Variants in CFAP20DC observed in about 807,000 individuals in gnomAD.
CFAP20DC encodes the protein CFAP20 domain containing, also known as protein CFAP20DC.
CFAP20DC carries 84 observed loss-of-function variants against 101.7 expected under a neutral mutation model. That is an observed-to-expected ratio of 0.83 (90% confidence interval 0.69 to 0.99). The LOEUF (loss-of-function observed/expected upper bound fraction) is 0.99, where lower values mean the gene tolerates loss of function less well. Ranked by LOEUF, CFAP20DC falls within the 50% of genes least tolerant of loss-of-function variation. The pLI is 0.00. For missense variants in CFAP20DC, 1,007 were observed against 970.3 expected (o/e 1.04, Z -0.50); for synonymous variants, 359 against 351.2 (o/e 1.02, Z -0.25).
At chr3:58,839,611 GT>G (rs938112213) in intron 13 of CFAP20DC, among the ~76,000 whole-genome samples, 7 of 152,146 alleles carry the variant, frequency 4.6e-5, no homozygotes, top group Admixed American at 2.6e-4. Flanking sequence ...GAAGATAAAT[GT>G]CTTCAATAAA....
chr3:58,902,300 G>A (rs139324610), intron 6 of CFAP20DC, among the ~76,000 whole-genome samples: 3 of 152,220 alleles, frequency 2.0e-5, no homozygotes, highest in African/African-American at 7.2e-5. Context: ...ATTCTTTTGG[G>A]TATATACCTA....
At chr3:58,867,701 C>G in intron 10 of CFAP20DC, 116 bp downstream of exon 10, 1 of 1,248,716 alleles carries the variant, frequency 8.0e-7, no homozygotes. Flanking sequence ...GTAGAACAGA[C>G]ATTTATATTT....
intron 6 of CFAP20DC, among the ~76,000 whole-genome samples, chr3:58,900,366 C>T (rs949567494): frequency 2.6e-5 from 4 of 152,214 alleles, no homozygotes; most frequent in Admixed American, 6.5e-5. Flanking sequence ...CTTCCCTTTT[C>T]TTCCTTTGGT....
At chr3:58,832,915 T>C (rs2076493434) in intron 13 of CFAP20DC, among the ~76,000 whole-genome samples, 2 of 152,172 alleles carry the variant, frequency 1.3e-5, no homozygotes, top group African/African-American at 4.8e-5. Flanking sequence ...AACTGCCATA[T>C]AACTTAAAAG....
chr3:58,871,975 G>C (rs140597785), intron 7 of CFAP20DC, among the ~76,000 whole-genome samples: 188 of 152,208 alleles, frequency 1.2e-3, no homozygotes, highest in African/African-American at 4.1e-3. Context: ...CAGGGCTCCA[G>C]GGAAGCCACT....
chr3:58,942,258 G>GA (rs1465444972), intron 4 of CFAP20DC, among the ~76,000 whole-genome samples: 3 of 152,146 alleles, frequency 2.0e-5, no homozygotes, highest in African/African-American at 4.8e-5. Flanking sequence ...TGCTGTAAAA[G>GA]AAAAAATAAA....
intron 15 of CFAP20DC, among the ~76,000 whole-genome samples, chr3:58,802,320 T>C (rs1363717386): frequency 6.6e-6 from 1 of 152,232 alleles, no homozygotes; most frequent in Non-Finnish European, 1.5e-5. Context: ...CATGCAAGTG[T>C]ACATGTTAGG....
chr3:59,022,860 G>A (rs2093827485), intron 4 of CFAP20DC, among the ~76,000 whole-genome samples: 2 of 152,084 alleles, frequency 1.3e-5, no homozygotes, highest in African/African-American at 4.8e-5. Flanking sequence ...AGAGCCAACT[G>A]TGGTGTTCCA....
chr3:58,849,097 A>G lies in CFAP20DC; in HGVS notation c.1906T>C (p.Ser636Pro). Residue 636 changes from serine to proline, a missense_variant, in exon 13 of 17, where the codon TCA becomes CCA. Physicochemically the swap from Ser to Pro is moderately conservative, Grantham distance 74. Transcript: ENST00000482387. ...KDLSAQQVPASLNKTSLKEIS... is the reference protein window; with the variant it reads ...KDLSAQQVPAPLNKTSLKEIS... ...TCTTTCAGGGAGGTTTTGTTTAGTG[A>G]AGCTGGCACTTGCTGGGCTGATAGA... 3 of 1,536,072 alleles carry G rather than the reference A, an allele frequency of 2.0e-6. No homozygotes were observed. The highest frequency in any genetic ancestry group is 2.6e-6 in the Non-Finnish European group (3 of 1,146,916).
At chr3:59,047,089 G>A in intron 2 of CFAP20DC, 76 bp downstream of exon 2, 1 of 953,284 alleles carries the variant, frequency 1.0e-6, no homozygotes, top group African/African-American at 1.6e-5. Flanking sequence ...TCTGAAATTT[G>A]ATCACGCCCT....
intron 15 of CFAP20DC, among the ~76,000 whole-genome samples, chr3:58,759,070 G>A (rs931307061): frequency 8.5e-5 from 13 of 152,156 alleles, no homozygotes; most frequent in Non-Finnish European, 1.0e-4. Context: ...GGATGGTTGG[G>A]TCAAATGGTA....
intron 13 of CFAP20DC, among the ~76,000 whole-genome samples, chr3:58,843,072 A>G (rs1368107936): frequency 6.6e-6 from 1 of 152,196 alleles, no homozygotes; most frequent in Non-Finnish European, 1.5e-5. Flanking sequence ...AAAAAACAGA[A>G]CAGAAAAACT....
chr3:58,827,024 G>T (rs1440493672), intron 14 of CFAP20DC, among the ~76,000 whole-genome samples: 2 of 152,088 alleles, frequency 1.3e-5, no homozygotes, highest in Admixed American at 1.3e-4. Flanking sequence ...TACTCTGTAT[G>T]ATACTATAAT....
At chr3:58,797,500 T>C (rs1201331044) in intron 15 of CFAP20DC, among the ~76,000 whole-genome samples, 1 of 152,148 alleles carries the variant, frequency 6.6e-6, no homozygotes, top group East Asian at 1.9e-4. Flanking sequence ...CAGAGGTTGA[T>C]TCCTGGGGTT....
chr3:58,782,966 AAAAAC>A (rs1288053276), intron 15 of CFAP20DC, among the ~76,000 whole-genome samples: 6 of 152,002 alleles, frequency 3.9e-5, no homozygotes, highest in African/African-American at 1.4e-4. Context: ...ATTTTGAGCA[AAAAAC>A]AAAACAAAAC....
chr3:58,918,938 T>C (rs2085037143), intron 5 of CFAP20DC, among the ~76,000 whole-genome samples: 1 of 152,214 alleles, frequency 6.6e-6, no homozygotes, highest in Non-Finnish European at 1.5e-5. Flanking sequence ...GCTCAATAAA[T>C]GTCAATCACA....
chr3:58,951,349 C>A (rs375218334), intron 4 of CFAP20DC, among the ~76,000 whole-genome samples: 1 of 152,156 alleles, frequency 6.6e-6, no homozygotes, highest in African/African-American at 2.4e-5. Flanking sequence ...GTCAGTATGG[C>A]GATTCCTCAG....
intron 15 of CFAP20DC, among the ~76,000 whole-genome samples, chr3:58,796,422 G>A (rs2073247336): frequency 6.6e-6 from 1 of 152,182 alleles, no homozygotes; most frequent in South Asian, 2.1e-4. Flanking sequence ...TTTCTCTGGG[G>A]CAGGCAGGGT....
chr3:58,753,459 A>C (rs1290868607), intron 16 of CFAP20DC, among the ~76,000 whole-genome samples: 1 of 152,214 alleles, frequency 6.6e-6, no homozygotes, highest in South Asian at 2.1e-4. Flanking sequence ...TAAAGGTCAC[A>C]CAGTGGGAAC....
Sources: gnomAD v4.1 joint callset for allele counts (sites outside exome capture counted in the v4.1 genomes callset) on GRCh38, gnomAD v4.1.1 for gene constraint, MANE v1.5 for transcripts, NCBI Gene and HGNC (gene_info 2026-07-23, HGNC 2026-07-21) for gene names.